Variants in SEMA3D observed in about 807,000 individuals in gnomAD.
The protein encoded by SEMA3D is semaphorin 3D, also known as semaphorin-3D.
Under a neutral mutation model 100.1 loss-of-function variants are expected in SEMA3D, and 84 were observed. That is an observed-to-expected ratio of 0.84 (90% CI 0.70 to 1.01). The LOEUF is 1.01. SEMA3D is among the 50% of genes least tolerant of loss of function. The probability of loss-of-function intolerance (pLI) is 0.00; values close to 1 mark genes in which losing one functional copy is unlikely to be tolerated. For synonymous variants in SEMA3D, 312 were observed against 320.7 expected (o/e 0.97, Z 0.29); for missense variants, 875 against 934.1 (o/e 0.94, Z 0.82).
At chr7:85,018,208 C>A in intron 15 of SEMA3D, 44 bp downstream of exon 15, 1 of 1,152,462 alleles carries the variant, frequency 8.7e-7, no homozygotes, top group Non-Finnish European at 1.3e-6. Context: ...TTCAAGCAGC[C>A]CATTGCTTTT....
intron 4 of SEMA3D, among the ~76,000 whole-genome samples, chr7:85,082,066 T>C (rs1464250769): frequency 6.6e-6 from 1 of 152,244 alleles, no homozygotes; most frequent in East Asian, 1.9e-4. Context: ...GGAGCTCAGA[T>C]GCATCTGCCA....
the SEMA3D span, among the ~76,000 whole-genome samples, chr7:85,212,719 G>A: frequency 1.3e-5 from 2 of 151,932 alleles, no homozygotes; most frequent in Non-Finnish European, 2.9e-5. Context: ...CTTCAGCTCT[G>A]GTAGCAAGAT....
At chr7:85,066,902 A>C (rs1791637463) in intron 7 of SEMA3D, among the ~76,000 whole-genome samples, 1 of 137,176 alleles carries the variant, frequency 7.3e-6, no homozygotes, top group Admixed American at 7.3e-5. Context: ...TCACACACAC[A>C]CACACACACA....
chr7:85,015,411 G>A (rs1446905183), intron 15 of SEMA3D, among the ~76,000 whole-genome samples, 195 bp from the exon 16 acceptor site: 1 of 151,764 alleles, frequency 6.6e-6, no homozygotes, highest in Non-Finnish European at 1.5e-5. Context: ...GTAGTTTGAA[G>A]ATTTTGATGC....
chr7:85,073,834 T>C (rs1427000787), intron 5 of SEMA3D, among the ~76,000 whole-genome samples: 2 of 152,190 alleles, frequency 1.3e-5, no homozygotes, highest in African/African-American at 2.4e-5. Context: ...TCATGGACTT[T>C]TTTTACACCA....
chr7:85,142,908 T>C, intron 2 of SEMA3D: 1 of 985,270 alleles, frequency 1.0e-6, no homozygotes, highest in Non-Finnish European at 1.2e-6. Context: ...GAAAAGACTT[T>C]CTCTGGGAAT....
the SEMA3D span, among the ~76,000 whole-genome samples, chr7:85,200,246 G>C: frequency 6.6e-6 from 1 of 152,192 alleles, no homozygotes; most frequent in Admixed American, 6.5e-5. Context: ...AGTTTGGAGG[G>C]CTCAGAAGAA....
chr7:85,028,338 G>A, intron 12 of SEMA3D: 3 of 608,166 alleles, frequency 4.9e-6, no homozygotes, highest in South Asian at 1.6e-5. Flanking sequence ...AATGTACTTG[G>A]AATTATCAAT....
intron 4 of SEMA3D, among the ~76,000 whole-genome samples, chr7:85,091,938 A>T (rs1249848237): frequency 2.0e-5 from 3 of 152,056 alleles, no homozygotes; most frequent in African/African-American, 7.2e-5. Flanking sequence ...CTTAATTTAA[A>T]CTATGAGAAA....
At chr7:85,168,953 T>A (rs1396865067) in intron 1 of SEMA3D, among the ~76,000 whole-genome samples, 1 of 151,578 alleles carries the variant, frequency 6.6e-6, no homozygotes, top group East Asian at 1.9e-4. Flanking sequence ...AACCAGCTTG[T>A]GCTCAGTTGT....
At chr7:85,186,293 T>A (rs1157791847) in intron 1 of SEMA3D, among the ~76,000 whole-genome samples, 4 of 152,162 alleles carry the variant, frequency 2.6e-5, no homozygotes, top group Non-Finnish European at 5.9e-5. Flanking sequence ...AGACGCTCTC[T>A]GCTGCCCAGA....
At chr7:85,133,821 G>A (rs1789789754) in intron 2 of SEMA3D, among the ~76,000 whole-genome samples, 1 of 151,944 alleles carries the variant, frequency 6.6e-6, no homozygotes, top group South Asian at 2.1e-4. Context: ...AATAATGCAT[G>A]GAAAGCACTT....
At chr7:85,114,065 A>C (rs1789170052) in intron 3 of SEMA3D, among the ~76,000 whole-genome samples, 1 of 152,154 alleles carries the variant, frequency 6.6e-6, no homozygotes, top group African/African-American at 2.4e-5. Context: ...TATCTAAGCA[A>C]AGGTTAGTGC....
chr7:85,218,323 G>T, the SEMA3D span, among the ~76,000 whole-genome samples: 4 of 151,922 alleles, frequency 2.6e-5, no homozygotes, highest in Non-Finnish European at 5.9e-5. Flanking sequence ...CCAGTACATT[G>T]TACACATTAT....
intron 1 of SEMA3D, among the ~76,000 whole-genome samples, chr7:85,179,383 T>A (rs2732760): frequency 0.65 from 99,015 of 152,026 alleles, 32,772 homozygotes; most frequent in East Asian, 0.92. Flanking sequence ...TCCCCAGGCT[T>A]TGAGAGCACA....
intron 5 of SEMA3D, among the ~76,000 whole-genome samples, chr7:85,075,258 G>A (rs1791890363): frequency 6.6e-6 from 1 of 151,950 alleles, no homozygotes; most frequent in South Asian, 2.1e-4. Context: ...AATTTTGCAA[G>A]ATTCTGAAAT....
chr7:85,145,166 T>C lies in SEMA3D; in HGVS notation c.-41+8442A>G, dbSNP rs1161283321. On this transcript the variant is annotated intron_variant, in intron 2 of 18. Transcript: ENST00000284136. ...TGGGAATCATGTTGACAGTGTTTTT[T>C]TAACCCTTATTTTATGCCAGTCTGG... Among the ~76,000 whole-genome samples, 6 of 152,268 alleles carry C rather than the reference T, an allele frequency of 3.9e-5. No individual in the cohort carries two copies. The East Asian group carries it at 1.2e-3, about 29-fold the overall frequency.
intron 3 of SEMA3D, among the ~76,000 whole-genome samples, chr7:85,100,718 T>C (rs1187350040): frequency 6.6e-6 from 1 of 151,944 alleles, no homozygotes; most frequent in Admixed American, 6.6e-5. Flanking sequence ...TGGGCTTTAT[T>C]ATTATTTCAT....
intron 1 of SEMA3D, among the ~76,000 whole-genome samples, chr7:85,169,226 C>T (rs963006402): frequency 6.6e-6 from 1 of 151,624 alleles, no homozygotes; most frequent in African/African-American, 2.4e-5. Flanking sequence ...AACAAAGAAA[C>T]AAACAAAGAA....
Sources: gnomAD v4.1 joint callset for allele counts (sites outside exome capture counted in the v4.1 genomes callset) on GRCh38, gnomAD v4.1.1 for gene constraint, MANE v1.5 for transcripts, NCBI Gene and HGNC (gene_info 2026-07-23, HGNC 2026-07-21) for gene names.